ELF2: variants seen among roughly 807,000 people sequenced by gnomAD.
ELF2 encodes the protein E74 like ETS transcription factor 2.
ELF2 carries 11 observed loss-of-function variants against 54.8 expected under a neutral mutation model. The ratio of observed to expected loss-of-function variants is 0.20; its 90% CI spans 0.13 to 0.33. The LOEUF (loss-of-function observed/expected upper bound fraction) is 0.33, where lower values mean the gene tolerates loss of function less well. ELF2 is among the 10% of genes least tolerant of loss of function. The pLI, the probability that ELF2 is intolerant of heterozygous loss-of-function variation, is 1.00. For synonymous variants in ELF2, 203 were observed against 245.1 expected, an observed-to-expected ratio of 0.83 and a Z score of 1.61; for missense variants, 513 against 703.0, an observed-to-expected ratio of 0.73 and a Z score of 3.06.
intron 5 of ELF2, 55 bp downstream of exon 5, chr4:139,073,399 T>G: frequency 2.3e-6 from 3 of 1,310,002 alleles, no homozygotes; most frequent in Non-Finnish European, 3.1e-6. Context: ...AAACTTTATT[T>G]TAGACATATG....
chr4:139,160,549 C>T (rs144560139), intron 1 of ELF2, among the ~76,000 whole-genome samples: 2 of 152,234 alleles, frequency 1.3e-5, no homozygotes, highest in East Asian at 3.9e-4. Context: ...AATTTCAACC[C>T]CACAGCAACT....
chr4:139,064,794 C>T (rs763098484), intron 7 of ELF2, among the ~76,000 whole-genome samples: 3 of 151,962 alleles, frequency 2.0e-5, no homozygotes, highest in Non-Finnish European at 4.4e-5. Flanking sequence ...GCAGGAGAAT[C>T]GCTTGAACCC....
chr4:139,139,073 A>G (rs1738459573), intron 2 of ELF2, among the ~76,000 whole-genome samples: 1 of 152,196 alleles, frequency 6.6e-6, no homozygotes, highest in Non-Finnish European at 1.5e-5. Flanking sequence ...AAAATCAAGC[A>G]TATCTGAAGA....
At chr4:139,079,362 T>C (rs1730779269) in intron 4 of ELF2, among the ~76,000 whole-genome samples, 1 of 152,236 alleles carries the variant, frequency 6.6e-6, no homozygotes, top group Non-Finnish European at 1.5e-5. Context: ...ATAACCCATC[T>C]ATACATAGCT....
intron 4 of ELF2, among the ~76,000 whole-genome samples, chr4:139,105,364 T>C (rs1253739950): frequency 6.6e-6 from 1 of 152,246 alleles, no homozygotes; most frequent in Non-Finnish European, 1.5e-5. Flanking sequence ...CTTAAAATAA[T>C]GCCTTGCATT....
At chr4:139,091,154 C>T (rs1732532420) in intron 4 of ELF2, among the ~76,000 whole-genome samples, 1 of 151,990 alleles carries the variant, frequency 6.6e-6, no homozygotes, top group African/African-American at 2.4e-5. Flanking sequence ...AGGATGGTCT[C>T]GATCTGACCT....
chr4:139,109,927 T>A (rs909782129), intron 4 of ELF2, among the ~76,000 whole-genome samples: 1 of 152,192 alleles, frequency 6.6e-6, no homozygotes, highest in Non-Finnish European at 1.5e-5. Context: ...AGCCCAAACC[T>A]CAGCATCATG....
intron 4 of ELF2, among the ~76,000 whole-genome samples, chr4:139,089,788 TAA>T (rs1732387016): frequency 6.6e-6 from 1 of 152,216 alleles, no homozygotes; most frequent in Non-Finnish European, 1.5e-5. Flanking sequence ...CATTATCTAA[TAA>T]AGTTATTCAT....
At chr4:139,091,551 A>G (rs1176799156) in intron 4 of ELF2, among the ~76,000 whole-genome samples, 1 of 152,094 alleles carries the variant, frequency 6.6e-6, no homozygotes, top group Non-Finnish European at 1.5e-5. Context: ...CGCTGCTATC[A>G]CAACTCAGTG....
chr4:139,081,193 T>C (rs1731063463), intron 4 of ELF2, among the ~76,000 whole-genome samples: 1 of 152,140 alleles, frequency 6.6e-6, no homozygotes, highest in Admixed American at 6.5e-5. Flanking sequence ...ACGTCGAGTC[T>C]TTACTACAAA....
At chr4:139,168,788 A>C (rs1000005012) in intron 1 of ELF2, among the ~76,000 whole-genome samples, 1 of 152,082 alleles carries the variant, frequency 6.6e-6, no homozygotes, top group Non-Finnish European at 1.5e-5. Flanking sequence ...GGTGGGTCTC[A>C]AACTCCTGGG....
At chr4:139,134,328 C>T (rs1737871511) in intron 3 of ELF2, among the ~76,000 whole-genome samples, 1 of 151,578 alleles carries the variant, frequency 6.6e-6, no homozygotes, top group Non-Finnish European at 1.5e-5. Context: ...CATTTATACA[C>T]TGCTAGATTT....
intron 4 of ELF2, among the ~76,000 whole-genome samples, chr4:139,098,719 C>T (rs1329311078): frequency 2.0e-5 from 3 of 152,158 alleles, no homozygotes; most frequent in Admixed American, 6.5e-5. Flanking sequence ...CCACCCGCCT[C>T]GGCCTCCCAA....
At chr4:139,167,905 T>TC (rs1319038605) in intron 1 of ELF2, among the ~76,000 whole-genome samples, 4 of 152,226 alleles carry the variant, frequency 2.6e-5, no homozygotes, top group African/African-American at 7.2e-5. Flanking sequence ...CTCTTACCCC[T>TC]CTTAAGGCGT....
chr4:139,084,109 G>T (rs529529546), intron 4 of ELF2: 2 of 1,612,970 alleles, frequency 1.2e-6, no homozygotes, highest in Non-Finnish European at 8.5e-7. Context: ...CCGATGCACG[G>T]GAGAAAAGTT....
intron 4 of ELF2, among the ~76,000 whole-genome samples, chr4:139,079,213 A>G (rs1730752460): frequency 6.6e-6 from 1 of 152,184 alleles, no homozygotes; most frequent in African/African-American, 2.4e-5. Flanking sequence ...TACAGGCATA[A>G]ATCACCATGC....
intron 1 of ELF2, among the ~76,000 whole-genome samples, chr4:139,142,761 C>T (rs945184612): frequency 6.6e-6 from 1 of 151,922 alleles, no homozygotes; most frequent in African/African-American, 2.4e-5. Flanking sequence ...CATGATGGCA[C>T]ACCCCTTTGT....
rs981672158 is a variant in ELF2 at position 139,121,253 on chromosome 4, C to T, written c.238+3911G>A. On this transcript the variant is annotated intron_variant, in intron 4 of 9. Coordinates refer to ENST00000686138, the MANE Select transcript of ELF2 (RefSeq NM_001331036.3). The stretch of plus-strand genomic sequence containing the variant: ...CCTCCCGAGTAGCTGGGACTACAGG[C>T]GCCCGCTACCACGCCCGGCTAATTT... Among the ~76,000 whole-genome samples the T allele has an allele frequency of 9.3e-5, 14 of 150,788 alleles. No individual in the cohort carries two copies. The South Asian group carries it at 1.5e-3, about 16-fold the overall frequency.
chr4:139,168,382 C>T (rs775332286), intron 1 of ELF2, among the ~76,000 whole-genome samples: 13 of 152,194 alleles, frequency 8.5e-5, no homozygotes, highest in Non-Finnish European at 1.3e-4. Flanking sequence ...AAACTTTGTA[C>T]ATGTTATTTG....
Sources: allele counts gnomAD v4.1 joint callset (sites outside exome capture counted in the v4.1 genomes callset), GRCh38; gene constraint gnomAD v4.1.1; transcripts MANE v1.5; gene names NCBI Gene and HGNC (gene_info 2026-07-23, HGNC 2026-07-21).